GLS2: variants seen among roughly 807,000 people sequenced by gnomAD.
GLS2 encodes the protein glutaminase 2, also known as glutaminase liver isoform, mitochondrial.
In GLS2, 52 loss-of-function variants were observed where a neutral mutation model predicts 79.0. That is an observed-to-expected ratio of 0.66 (90% confidence interval 0.53 to 0.83). The LOEUF (loss-of-function observed/expected upper bound fraction) is 0.83. Among genes scored for constraint, GLS2 ranks in the 40% least tolerant of loss-of-function variants. The pLI, the probability that GLS2 is intolerant of heterozygous loss-of-function variation, is 0.00. For missense variants in GLS2, 561 were observed against 764.8 expected (o/e 0.73, Z 3.14); for synonymous variants, 238 against 280.8 (o/e 0.85, Z 1.52).
At chr12:56,478,443 C>T (rs1400302048) in intron 4 of GLS2, 181 bp from the exon 5 acceptor site, 1 of 615,190 alleles carries the variant, frequency 1.6e-6, no homozygotes, top group African/African-American at 1.8e-5. Flanking sequence ...AAGGCCATAT[C>T]TTTGTGTATC....
At chr12:56,478,813 C>A in intron 4 of GLS2, 2 of 428,604 alleles carry the variant, frequency 4.7e-6, no homozygotes, top group South Asian at 5.9e-5. Context: ...GCCAATATGG[C>A]AAAACCCCAT....
At chr12:56,482,699 TC>T (rs1482038018) in intron 1 of GLS2, among the ~76,000 whole-genome samples, 1 of 152,186 alleles carries the variant, frequency 6.6e-6, no homozygotes, top group African/African-American at 2.4e-5. Context: ...CACCTAAAAT[TC>T]CAGGTACTGA....
intron 1 of GLS2, among the ~76,000 whole-genome samples, chr12:56,486,427 T>G (rs1194410799): frequency 6.6e-6 from 1 of 152,172 alleles, no homozygotes; most frequent in East Asian, 1.9e-4. Flanking sequence ...TGGGGGGAAG[T>G]TGGGGTGGAG....
In GLS2 at chr12:56,471,767, C is replaced by T; in HGVS notation, c.1652+6G>A. 1.9e-6 allele frequency: 3 copies of T among 1,614,092 alleles called. No individual in the cohort carries two copies. Among genetic ancestry groups the T allele is most frequent in the Non-Finnish European group, 2.5e-6 (3 of 1,179,994 alleles). ...CACCCTCCTCCACTTTTAGCCTATT[C>T]CTCACCTGTCCTTGGCAAAAGGATT... On this transcript the variant is annotated splice_donor_region_variant and intron_variant, in intron 17 of 17. Transcript: ENST00000311966.
Position 56,471,643 on chromosome 12 carries a change from C to T in GLS2, c.1653G>A (p.Arg551=). 1 of 1,613,900 alleles carries T rather than the reference C, an allele frequency of 6.2e-7. No individual in the cohort carries two copies. The highest frequency in any genetic ancestry group is 1.1e-5 in the South Asian group (1 of 91,058). The change falls in exon 18 of 18, where the codon AGG becomes AGA. Residue 551 remains arginine (R), a splice_region_variant and synonymous_variant. Coordinates refer to ENST00000311966, the MANE Select transcript of GLS2 (RefSeq NM_013267.4). ...ACKVNPFAKD[R]WGNIPLDDAV... ...CATCATCCAGGGGAATGTTGCCCCA[C>T]CTGAGAGGAATAATGATATGATCAG...
chr12:56,471,838 T>C lies in GLS2; in HGVS notation c.1589-2A>G. 1 of 1,613,880 alleles carries C rather than the reference T, an allele frequency of 6.2e-7. No individual in the cohort carries two copies. Among genetic ancestry groups the C allele is most frequent in the East Asian group, 2.2e-5 (1 of 44,884 alleles). On this transcript the variant is annotated splice_acceptor_variant, in intron 16 of 17. Transcript: ENST00000311966. LOFTEE classifies it high-confidence loss of function. Reference sequence around the variant, plus strand: ...GGAATTTAACAACTTCGATGTGTCCTAGGAATATGGGCAGAAGGAAAATGA... The same window carrying C: ...GGAATTTAACAACTTCGATGTGTCCCAGGAATATGGGCAGAAGGAAAATGA...
Position 56,477,949 on chromosome 12 carries a change from G to C in GLS2, c.762C>G (p.Leu254=), listed in dbSNP as rs190705191. ...AGTGCTCACCTTCCTCATTGAGGGA[G>C]AGCTTGTTGTAGCGCAGGCCACTTG... The part of the protein sequence containing the change: ...KEPSGLRYNK[L]SLNEEGIPHN... The change falls in exon 6 of 18, where the codon CTC becomes CTG. Residue 254 remains leucine, a synonymous_variant. Transcript: ENST00000311966. 3 of 1,613,586 alleles carry C rather than the reference G, an allele frequency of 1.9e-6. No homozygotes were observed. Among genetic ancestry groups the C allele is most frequent in the African/African-American group, 2.7e-5 (2 of 75,070 alleles).
intron 4 of GLS2, 32 bp downstream of exon 4, chr12:56,479,020 C>T (rs1287513937): frequency 6.2e-7 from 1 of 1,605,294 alleles, no homozygotes; most frequent in Admixed American, 1.7e-5. Flanking sequence ...GGCCCAGGTC[C>T]CTGACCCCTC....
At chr12:56,472,088 C>T (rs770311728) in intron 16 of GLS2, 31 bp downstream of exon 16, 12 of 1,605,280 alleles carry the variant, frequency 7.5e-6, no homozygotes, top group African/African-American at 6.7e-5. Flanking sequence ...TTATGATTAC[C>T]CTCCTCCTCC....
intron 14 of GLS2, 100 bp from the exon 15 acceptor site, chr12:56,472,851 T>C: frequency 3.2e-6 from 3 of 934,990 alleles, no homozygotes. Flanking sequence ...AGGGTATTGC[T>C]GAAGTGTTAT....
At chr12:56,475,367 T>C (rs1253601565) in intron 9 of GLS2, 1 of 975,612 alleles carries the variant, frequency 1.0e-6, no homozygotes, top group African/African-American at 1.6e-5. Flanking sequence ...TTTTTGGCTT[T>C]GAAAGTCTTG....
At chr12:56,480,214 TG>T in intron 2 of GLS2, 73 bp downstream of exon 2, 1 of 1,318,588 alleles carries the variant, frequency 7.6e-7, no homozygotes, top group Non-Finnish European at 1.1e-6. Flanking sequence ...GCCCTGCACT[TG>T]TCATACCCTC....
chr12:56,487,044 CAGGGAGATGGCAGCGACG>C, intron 1 of GLS2, among the ~76,000 whole-genome samples: 2 of 152,248 alleles, frequency 1.3e-5, no homozygotes, highest in East Asian at 3.9e-4. Context: ...TGAGTGTCAT[CAGGGAGATGGCAGCGACG>C]AGGGAGATGG....
intron 12 of GLS2, 127 bp from the exon 13 acceptor site, chr12:56,473,721 C>T: frequency 1.7e-6 from 2 of 1,173,928 alleles, no homozygotes; most frequent in African/African-American, 3.1e-5. Flanking sequence ...AACCTTTTGG[C>T]TTGTTAATTA....
At chr12:56,484,569 G>A (rs75931312) in intron 1 of GLS2, among the ~76,000 whole-genome samples, 2,329 of 152,190 alleles carry the variant, frequency 0.015, 34 homozygotes, top group Admixed American at 0.031. Context: ...ATGCCTATAG[G>A]GGGGAGAGGA....
chr12:56,474,604 G>A lies in GLS2; in HGVS notation c.1164C>T (p.Asn388=), dbSNP rs560702267. ...ESVLSAEAVR[N]TLSLMHSCGM... The stretch of plus-strand genomic sequence containing the variant: ...CGCAGGAATGCATGAGGCTGAGGGT[G>A]TTGCGCACTGCTTCAGCACTCAGCA... Residue 388 remains asparagine (N), a synonymous_variant, in exon 12 of 18, where the codon AAC becomes AAT. Coordinates refer to ENST00000311966, the MANE Select transcript of GLS2 (RefSeq NM_013267.4). 6.2e-7 allele frequency: 1 copy of A among 1,614,088 alleles called. No homozygotes were observed.
intron 1 of GLS2, 27 bp from the exon 2 acceptor site, chr12:56,480,414 A>G: frequency 6.3e-7 from 1 of 1,584,266 alleles, no homozygotes; most frequent in Admixed American, 1.7e-5. Flanking sequence ...AATGGGGAGG[A>G]AAGTGGGGCC....
At chr12:56,477,013 C>T (rs1869887383) in intron 7 of GLS2, 1 of 152,226 alleles carries the variant, frequency 6.6e-6, no homozygotes, top group African/African-American at 2.4e-5. Context: ...TTTTCCTCAC[C>T]CAGACTCATT....
chr12:56,479,400 T>G (rs1383686418), intron 3 of GLS2: 2 of 507,980 alleles, frequency 3.9e-6, no homozygotes, highest in African/African-American at 2.0e-5. Context: ...TGTCTTGGGA[T>G]ATGAGAAAAA....
Sources: allele counts gnomAD v4.1 joint callset (sites outside exome capture counted in the v4.1 genomes callset), GRCh38; gene constraint gnomAD v4.1.1; transcripts MANE v1.5; gene names NCBI Gene and HGNC (gene_info 2026-07-23, HGNC 2026-07-21).